Variants in DCAF6 observed in about 807,000 individuals in gnomAD.
DCAF6 encodes DDB1 and CUL4 associated factor 6, also known as DDB1- and CUL4-associated factor 6.
In DCAF6, 54 loss-of-function variants were observed where a neutral mutation model predicts 125.1. The observed-to-expected ratio is 0.43, with a 90% CI of 0.35 to 0.54. The LOEUF (loss-of-function observed/expected upper bound fraction) is 0.54. DCAF6 is among the 20% of genes least tolerant of loss of function. The pLI is 0.01. For synonymous variants in DCAF6, 371 were observed against 390.4 expected (o/e 0.95, Z 0.58); for missense variants, 934 against 1,161.7 (o/e 0.80, Z 2.85).
chr1:167,994,041 A>G (rs550402039), intron 7 of DCAF6, among the ~76,000 whole-genome samples: 84 of 151,178 alleles, frequency 5.6e-4, no homozygotes, highest in Admixed American at 4.3e-3. Flanking sequence ...ATAATTAGTA[A>G]TGACAAAAAT....
intron 2 of DCAF6, among the ~76,000 whole-genome samples, chr1:167,955,132 G>A (rs916748565): frequency 1.3e-5 from 2 of 152,172 alleles, no homozygotes; most frequent in East Asian, 1.9e-4. Flanking sequence ...TTGCTGAGGA[G>A]CATTTATTGT....
chr1:167,899,422 C>T, the DCAF6 span: 3 of 1,614,194 alleles, frequency 1.9e-6, no homozygotes, highest in Non-Finnish European at 2.5e-6. Flanking sequence ...ATCACACCCA[C>T]CTTAACTGCT....
intron 12 of DCAF6, among the ~76,000 whole-genome samples, chr1:168,029,707 G>C (rs1686806318): frequency 6.6e-6 from 1 of 152,282 alleles, no homozygotes; most frequent in African/African-American, 2.4e-5. Flanking sequence ...AAGGCCGGGC[G>C]TGGTGGCTCA....
chr1:167,864,366 G>T, the DCAF6 span, among the ~76,000 whole-genome samples: 1 of 152,198 alleles, frequency 6.6e-6, no homozygotes, highest in African/African-American at 2.4e-5. Flanking sequence ...AGAACTTTGT[G>T]TAAAATAGAC....
At chr1:167,972,122 C>G (rs1677424664) in intron 3 of DCAF6, among the ~76,000 whole-genome samples, 1 of 152,228 alleles carries the variant, frequency 6.6e-6, no homozygotes, top group African/African-American at 2.4e-5. Flanking sequence ...TCCCAAAGTG[C>G]TGAGATTACA....
At chr1:168,065,492 T>C in intron 18 of DCAF6, 98 bp from the exon 19 acceptor site, 2 of 975,848 alleles carry the variant, frequency 2.0e-6, no homozygotes, top group Non-Finnish European at 2.9e-6. Flanking sequence ...TTTTAAAAAA[T>C]GTAAGAATTA....
rs60756950 is a variant in DCAF6, at chr1:168,009,843, T to TTTTTTTCACTTTGATTGTTTATAACA, written c.1378+5053_1378+5054insTTTCACTTTGATTGTTTATAACATTT. 4.9e-3 allele frequency among the ~76,000 whole-genome samples: 752 copies of TTTTTTTCACTTTGATTGTTTATAACA among 152,138 alleles called. 4 individuals carry two copies. The highest frequency in any genetic ancestry group is 0.017 in the African/African-American group (706 of 41,476). ...GAAAAGCAATTATAAAAATTTATAA[T>TTTTTTTCACTTTGATTGTTTATAACA]TTTCTTTTACTATGATAAGCTCTCT... On this transcript the variant is annotated intron_variant, in intron 10 of 21. Coordinates refer to ENST00000367840, the MANE Select transcript of DCAF6 (RefSeq NM_001198956.2).
chr1:168,071,767 C>T (rs1357453859), intron 21 of DCAF6, among the ~76,000 whole-genome samples: 1 of 152,210 alleles, frequency 6.6e-6, no homozygotes, highest in African/African-American at 2.4e-5. Flanking sequence ...TAAAGTAAAA[C>T]CCAGACTTCT....
chr1:167,895,851 A>T, the DCAF6 span, among the ~76,000 whole-genome samples: 1 of 152,252 alleles, frequency 6.6e-6, no homozygotes, highest in Non-Finnish European at 1.5e-5. Flanking sequence ...AGAGAAGACT[A>T]GAAGGTCAAA....
chr1:168,031,697 G>T (rs553929281), intron 12 of DCAF6, among the ~76,000 whole-genome samples: 1 of 150,906 alleles, frequency 6.6e-6, no homozygotes, highest in Non-Finnish European at 1.5e-5. Context: ...AGGCAGACTT[G>T]ATTTTTTTTT....
intron 11 of DCAF6, among the ~76,000 whole-genome samples, chr1:168,021,338 A>C (rs1685646819): frequency 6.6e-6 from 1 of 152,122 alleles, no homozygotes; most frequent in Non-Finnish European, 1.5e-5. Context: ...AATATTTTTC[A>C]CAGATTTTTA....
At chr1:168,002,335 A>G (rs1457442400) in intron 7 of DCAF6, 147 bp from the exon 8 acceptor site, 1 of 616,918 alleles carries the variant, frequency 1.6e-6, no homozygotes, top group African/African-American at 1.8e-5. Context: ...TGACGCTTAT[A>G]CCAGTGTCTT....
At chr1:167,901,885 A>T in the DCAF6 span, 1 of 1,600,292 alleles carries the variant, frequency 6.2e-7, no homozygotes, top group Admixed American at 1.7e-5. Context: ...ATAGAAACTT[A>T]CTCATCAAGC....
chr1:167,956,411 C>T (rs1267543751), intron 2 of DCAF6, among the ~76,000 whole-genome samples: 1 of 151,996 alleles, frequency 6.6e-6, no homozygotes, highest in African/African-American at 2.4e-5. Context: ...GTGTATGTTA[C>T]TGTGTTTCTC....
At chr1:167,939,855 A>T (rs58973738) in intron 1 of DCAF6, among the ~76,000 whole-genome samples, 1 of 152,340 alleles carries the variant, frequency 6.6e-6, no homozygotes, top group Non-Finnish European at 1.5e-5. Context: ...CTAAGGAAAT[A>T]GATTCCTTTT....
chr1:167,945,979 CAG>C (rs1402551414), intron 1 of DCAF6, among the ~76,000 whole-genome samples: 15 of 109,232 alleles, frequency 1.4e-4, no homozygotes, highest in African/African-American at 4.9e-4. Flanking sequence ...TTTTTTGAGA[CAG>C]AATTTCATTC....
chr1:167,984,160 T>TA (rs1207085405), intron 4 of DCAF6, among the ~76,000 whole-genome samples: 4 of 152,208 alleles, frequency 2.6e-5, no homozygotes, highest in Non-Finnish European at 5.9e-5. Flanking sequence ...TTCACAGTTC[T>TA]AAAAAAGTTG....
the DCAF6 span, among the ~76,000 whole-genome samples, chr1:167,923,007 C>T: frequency 2.0e-5 from 3 of 152,228 alleles, no homozygotes; most frequent in African/African-American, 7.2e-5. Flanking sequence ...ATCTAACACC[C>T]ATTAGGTGCC....
At chr1:168,054,992 A>G (rs1355538041) in intron 17 of DCAF6, among the ~76,000 whole-genome samples, 1 of 152,064 alleles carries the variant, frequency 6.6e-6, no homozygotes, top group Non-Finnish European at 1.5e-5. Context: ...AGTTTTTTGT[A>G]TTTTTAGTAG....
Sources: allele counts gnomAD v4.1 joint callset (sites outside exome capture counted in the v4.1 genomes callset), GRCh38; gene constraint gnomAD v4.1.1; transcripts MANE v1.5; gene names NCBI Gene and HGNC (gene_info 2026-07-23, HGNC 2026-07-21).